Variants in MARCHF1 observed in about 807,000 individuals in gnomAD.
MARCHF1 encodes the protein membrane associated ring-CH-type finger 1, also known as E3 ubiquitin-protein ligase MARCHF1.
Under a neutral mutation model 54.2 loss-of-function variants are expected in MARCHF1, and 40 were observed. That is an observed-to-expected ratio of 0.74 (90% confidence interval 0.57 to 0.96). The LOEUF (loss-of-function observed/expected upper bound fraction) is 0.96, where lower values mean the gene tolerates loss of function less well. Among genes scored for constraint, MARCHF1 ranks in the 40% least tolerant of loss-of-function variants. MARCHF1 has a pLI of 0.00. For synonymous variants in MARCHF1, 236 were observed against 236.3 expected (o/e 1.00, Z 0.01); for missense variants, 586 against 656.5 (o/e 0.89, Z 1.17).
chr4:163,780,538 G>C (rs953780627), intron 4 of MARCHF1, among the ~76,000 whole-genome samples: 3 of 152,050 alleles, frequency 2.0e-5, no homozygotes, highest in Non-Finnish European at 2.9e-5. Flanking sequence ...CAAATAGAAG[G>C]GGTCATTATT....
chr4:164,285,952 G>A lies in MARCHF1; in HGVS notation c.-323+97918C>T, dbSNP rs7690194. On this transcript the variant is annotated intron_variant, in intron 1 of 9. Transcript: ENST00000514618. The stretch of plus-strand genomic sequence containing the variant: ...AAAAAATTATGATCTGGACTACCTC[G>A]GGTCTCATCTTACCCCTTCAGCATG... Among the ~76,000 whole-genome samples, 1,005 of 151,952 alleles carry A rather than the reference G, an allele frequency of 6.6e-3. 33 individuals are homozygous for A. Among genetic ancestry groups the A allele is most frequent in the East Asian group, 0.038 (194 of 5,172 alleles).
At chr4:163,641,895 G>A (rs963225703) in intron 5 of MARCHF1, among the ~76,000 whole-genome samples, 3 of 152,096 alleles carry the variant, frequency 2.0e-5, no homozygotes, top group Admixed American at 1.3e-4. Flanking sequence ...ATGGGCACTG[G>A]GTGTAACTTC....
In MARCHF1 at chr4:164,093,495, C is replaced by T. The variant is rs564407114; in HGVS notation, c.-248+18093G>A. Among the ~76,000 whole-genome samples, 3 of 152,248 alleles carry T rather than the reference C, an allele frequency of 2.0e-5. No homozygotes were observed. The East Asian group carries it at 5.8e-4, about 29-fold the overall frequency. ...GATCAATCTCTTGTCCCTTTGCTCT[C>T]AGCCTCCATTCTCACTCTTCTGTGC... is the stretch of plus-strand genomic sequence containing the variant. On this transcript the variant is annotated intron_variant, in intron 2 of 9. Transcript: ENST00000514618.
intron 5 of MARCHF1, among the ~76,000 whole-genome samples, chr4:163,687,221 G>A (rs1382912168): frequency 6.6e-6 from 1 of 151,636 alleles, no homozygotes; most frequent in African/African-American, 2.4e-5. Flanking sequence ...CAAGAGGTGA[G>A]AAGTCAGATC....
chr4:163,536,637 C>T (rs543477700), intron 9 of MARCHF1, among the ~76,000 whole-genome samples: 42 of 152,164 alleles, frequency 2.8e-4, no homozygotes, highest in Non-Finnish European at 4.9e-4. Context: ...TACAACCCCT[C>T]TTCACTGTCA....
chr4:164,133,427 G>A (rs1163388443), intron 1 of MARCHF1, among the ~76,000 whole-genome samples: 1 of 152,202 alleles, frequency 6.6e-6, no homozygotes, highest in South Asian at 2.1e-4. Context: ...TCTCTGAATT[G>A]GTTGTGAACT....
At chr4:164,367,782 A>C (rs2110945753) in intron 1 of MARCHF1, among the ~76,000 whole-genome samples, 1 of 151,948 alleles carries the variant, frequency 6.6e-6, no homozygotes, top group African/African-American at 2.4e-5. Flanking sequence ...CTTTTTTTAA[A>C]GTTTTAAATA....
chr4:164,331,454 C>G (rs1463741479), intron 1 of MARCHF1, among the ~76,000 whole-genome samples: 1 of 152,202 alleles, frequency 6.6e-6, no homozygotes, highest in Non-Finnish European at 1.5e-5. Flanking sequence ...CTCAATCATA[C>G]AATTAAATGT....
In MARCHF1 at chr4:163,569,932, A is replaced by G. The variant is rs1268133379; in HGVS notation, c.1191+15817T>C. Among the ~76,000 whole-genome samples the G allele has an allele frequency of 2.0e-5, 3 of 152,202 alleles. No homozygotes were observed. In the South Asian group the frequency reaches 6.2e-4, roughly 31 times the overall value. On this transcript the variant is annotated intron_variant, in intron 8 of 9. Transcript: ENST00000514618. ...TCTTTAGAAAGTAGGCATAAGATAA[A>G]TATTGTTCAAATATGTCAGACAAGG...
chr4:163,854,068 G>T lies in MARCHF1; in HGVS notation c.64C>A (p.Pro22Thr), dbSNP rs1749706155. 9 of 1,536,710 alleles carry T rather than the reference G, an allele frequency of 5.9e-6. No homozygotes were observed. The highest frequency in any genetic ancestry group is 7.8e-6 in the Non-Finnish European group (9 of 1,146,668). ...TCAGCCAAATCCCCTGAGATCTCGG[G>T]TGTTCGCGTGTTGTTTGGAATTCTG... ...PHRIPNNTRT[P>T]EISGDLADAS... Residue 22 changes from proline to threonine, a missense_variant, in exon 4 of 10, where the codon CCC becomes ACC. Coordinates refer to ENST00000514618, the MANE Select transcript of MARCHF1 (RefSeq NM_001394959.1).
Position 164,146,802 on chromosome 4 carries a change from C to T in MARCHF1, c.-322-35140G>A, listed in dbSNP as rs1386805750. ...TCTAAAACACCAAAAGCAATGGCAA[C>T]AGAAGCCAAAATTGACAAATGGGAT... is the stretch of plus-strand genomic sequence containing the variant. On this transcript the variant is annotated intron_variant, in intron 1 of 9. Transcript: ENST00000514618. Among the ~76,000 whole-genome samples, 10 of 152,088 alleles carry T rather than the reference C, an allele frequency of 6.6e-5. No homozygotes were observed. In the East Asian group the frequency reaches 1.7e-3, roughly 26 times the overall value.
chr4:163,908,057 G>C (rs1269745612), intron 3 of MARCHF1, among the ~76,000 whole-genome samples: 1 of 152,102 alleles, frequency 6.6e-6, no homozygotes, highest in Non-Finnish European at 1.5e-5. Flanking sequence ...CCTGAAGTTG[G>C]CATGCATATG....
intron 2 of MARCHF1, among the ~76,000 whole-genome samples, chr4:164,102,051 G>T (rs1172222389): frequency 1.1e-5 from 1 of 91,952 alleles, no homozygotes; most frequent in Admixed American, 1.2e-4. Flanking sequence ...AAACGAGAAG[G>T]GAAGTTTAGA....
intron 3 of MARCHF1, among the ~76,000 whole-genome samples, chr4:163,921,958 TG>T (rs1468522943): frequency 1.3e-5 from 2 of 152,050 alleles, no homozygotes; most frequent in Non-Finnish European, 1.5e-5. Context: ...AGCAAAAACT[TG>T]GAACCAACCC....
intron 3 of MARCHF1, among the ~76,000 whole-genome samples, chr4:163,872,872 G>A (rs922800875): frequency 1.2e-4 from 18 of 151,790 alleles, no homozygotes; most frequent in Admixed American, 9.8e-4. Flanking sequence ...GTGAAACCCC[G>A]CCTCTACTAA....
At chr4:163,656,211 T>A (rs1743135242) in intron 5 of MARCHF1, among the ~76,000 whole-genome samples, 1 of 147,580 alleles carries the variant, frequency 6.8e-6, no homozygotes. Flanking sequence ...TAATAAAAAA[T>A]GACAAAGAGG....
chr4:164,095,505 T>C (rs772225777), intron 2 of MARCHF1, among the ~76,000 whole-genome samples: 4 of 151,988 alleles, frequency 2.6e-5, no homozygotes, highest in Non-Finnish European at 1.5e-5. Context: ...AAAGTAAAAA[T>C]TGCCTTCTCA....
At chr4:163,585,631 C>T (rs1740385348) in intron 8 of MARCHF1, 118 bp downstream of exon 8, 1 of 762,110 alleles carries the variant, frequency 1.3e-6, no homozygotes, top group African/African-American at 1.7e-5. Flanking sequence ...ACACAAGACA[C>T]ATACCCTTAA....
At chr4:163,572,408 T>C (rs1739871615) in intron 8 of MARCHF1, among the ~76,000 whole-genome samples, 1 of 151,848 alleles carries the variant, frequency 6.6e-6, no homozygotes, top group African/African-American at 2.4e-5. Flanking sequence ...AAAGATATGC[T>C]ACCAGTCTCC....
Sources: gnomAD v4.1 joint callset for allele counts (sites outside exome capture counted in the v4.1 genomes callset) on GRCh38, gnomAD v4.1.1 for gene constraint, MANE v1.5 for transcripts, NCBI Gene and HGNC (gene_info 2026-07-23, HGNC 2026-07-21) for gene names.